Variants in ARSG observed in about 807,000 individuals in gnomAD.
The protein encoded by ARSG is ASG.
A neutral mutation model predicts 50.5 loss-of-function variants in ARSG; 37 were observed. That is an observed-to-expected ratio of 0.73 (90% CI 0.56 to 0.96). The LOEUF (loss-of-function observed/expected upper bound fraction) is 0.96, where lower values mean the gene tolerates loss of function less well. ARSG is among the 50% of genes least tolerant of loss of function. ARSG has a pLI of 0.00. For synonymous variants in ARSG, 225 were observed against 254.6 expected (o/e 0.88, Z 1.11); for missense variants, 629 against 675.3 (o/e 0.93, Z 0.76).
At chr17:68,427,060 G>T (rs984715315), downstream of ARSG, 92 of 1,247,316 alleles carry the variant, frequency 7.4e-5, no homozygotes, top group Non-Finnish European at 1.0e-4. Context: ...AGGGGGAAGG[G>T]GAGGGAGCGT....
chr17:68,291,542 T>C lies in ARSG; in HGVS notation c.-578T>C, dbSNP rs2075990072. 1 of 149,766 alleles carries C rather than the reference T, an allele frequency of 6.7e-6. No individual in the cohort carries two copies. Among genetic ancestry groups the C allele is most frequent in the Non-Finnish European group, 1.5e-5 (1 of 67,302 alleles). 9.3% of individuals were successfully genotyped at this position (149,766 alleles called of 1,614,324 possible). On this transcript the variant is annotated 5_prime_UTR_variant, in exon 1 of 12. Coordinates refer to ENST00000621439, the MANE Select transcript of ARSG (RefSeq NM_001267727.2). ...CGCGCCGGTCGCGCGCCCGCCAGCC[T>C]GCCGCCTGGGCTGGGGGTCACGAAA...
intron 2 of ARSG, 54 bp from the exon 3 acceptor site, chr17:68,343,550 T>C (rs1321804187): frequency 2.7e-6 from 4 of 1,490,504 alleles, no homozygotes; most frequent in Non-Finnish European, 1.8e-6. Flanking sequence ...GCCTTTTCTT[T>C]TACTCTGGCT....
At chr17:68,441,811 A>G in the ARSG span, among the ~76,000 whole-genome samples, 4 of 152,222 alleles carry the variant, frequency 2.6e-5, no homozygotes, top group African/African-American at 9.6e-5. Flanking sequence ...GGAGAAGTTG[A>G]GGTGATAATT....
At chr17:68,302,804 A>G (rs2076469021) in intron 1 of ARSG, among the ~76,000 whole-genome samples, 1 of 152,182 alleles carries the variant, frequency 6.6e-6, no homozygotes, top group African/African-American at 2.4e-5. Flanking sequence ...CTTGTGCTCA[A>G]CAAGGATCTT....
chr17:68,329,949 C>T (rs975054707), intron 2 of ARSG, among the ~76,000 whole-genome samples: 6 of 152,182 alleles, frequency 3.9e-5, no homozygotes, highest in Non-Finnish European at 7.3e-5. Context: ...GTGGCTCACT[C>T]CTGAAATCCC....
At chr17:68,395,326 G>T in intron 10 of ARSG, 133 bp downstream of exon 10, 1 of 1,366,018 alleles carries the variant, frequency 7.3e-7, no homozygotes, top group Non-Finnish European at 9.9e-7. Context: ...AGTGGCTCAC[G>T]CCTGTAATCC....
intron 2 of ARSG, among the ~76,000 whole-genome samples, chr17:68,332,909 T>C (rs749503046): frequency 6.6e-6 from 1 of 152,198 alleles, no homozygotes. Context: ...AGCTACAAAT[T>C]CTGACCAAAA....
intron 9 of ARSG, among the ~76,000 whole-genome samples, 181 bp from the exon 10 acceptor site, chr17:68,394,892 C>G (rs1371767995): frequency 6.6e-6 from 1 of 152,142 alleles, no homozygotes; most frequent in Non-Finnish European, 1.5e-5. Context: ...CATTCTGCCT[C>G]TTGTAGGAGC....
intron 11 of ARSG, among the ~76,000 whole-genome samples, chr17:68,409,497 C>T (rs1053224262): frequency 2.2e-4 from 34 of 151,574 alleles, no homozygotes; most frequent in Non-Finnish European, 4.7e-4. Flanking sequence ...GTTTTGGTAC[C>T]AGTACCATGC....
At position 68,307,324 on chromosome 17, in the gene ARSG, C is replaced by A; in HGVS notation, c.-170C>A. The A allele has an allele frequency of 1.6e-6, 1 of 606,586 alleles. No homozygotes were observed. The highest frequency in any genetic ancestry group is 3.0e-6 in the Non-Finnish European group (1 of 338,872). The allele number at this position is 606,586 out of a possible 1,614,324, so 37.6% of individuals were successfully genotyped here. A position where few individuals can be genotyped will look rare whatever the true frequency, so the allele number is the denominator to read the frequency against. ...CTCATTTCTACAGCCCCCAACATTC[C>A]TATAGCCGTTATCACTGCCATCACC... On this transcript the variant is annotated 5_prime_UTR_variant, in exon 2 of 12. Transcript: ENST00000621439.
intron 1 of ARSG, among the ~76,000 whole-genome samples, chr17:68,273,675 A>C (rs1555749906): frequency 1.3e-5 from 2 of 152,184 alleles, no homozygotes; most frequent in African/African-American, 4.8e-5. Context: ...TTTGGCTGCA[A>C]ATACAGCAAA....
rs529717748 is a variant in ARSG, at chr17:68,385,081, C to A, written c.1000C>A (p.Gln334Lys). Residue 334 changes from glutamine to lysine, a missense_variant, in exon 9 of 12, where the codon CAG becomes AAG. By Grantham distance (53) the Gln-to-Lys change is moderately conservative. Coordinates refer to ENST00000621439, the MANE Select transcript of ARSG (RefSeq NM_001267727.2). ...QTRQGGSPAK[Q>K]TTWEGGHRVP... ...TCTCACAGGGGGAAGTCCAGCCAAG[C>A]AGACGACCTGGGAAGGAGGGCACCG... 51 of 1,614,036 alleles carry A rather than the reference C, an allele frequency of 3.2e-5. No homozygotes were observed. In the South Asian group the frequency reaches 4.6e-4, roughly 15 times the overall value.
intron 1 of ARSG, chr17:68,274,408 G>A (rs1263092067): frequency 5.1e-6 from 1 of 197,272 alleles, no homozygotes. Context: ...AGACGATGCA[G>A]TGAGCCAAGA....
chr17:68,376,226 T>A (rs1372831424), intron 8 of ARSG, among the ~76,000 whole-genome samples: 1 of 148,080 alleles, frequency 6.8e-6, no homozygotes, highest in Non-Finnish European at 1.5e-5. Context: ...TCCCCCCACC[T>A]CATTCTCCTG....
At chr17:68,305,040 G>A (rs993517957) in intron 1 of ARSG, among the ~76,000 whole-genome samples, 4 of 152,266 alleles carry the variant, frequency 2.6e-5, no homozygotes, top group African/African-American at 9.6e-5. Flanking sequence ...TGGGCGTGGT[G>A]GCATACACTT....
In ARSG at chr17:68,312,076, A is replaced by G. The variant is rs1392002595; in HGVS notation, c.218+4365A>G. Among the ~76,000 whole-genome samples, 4 of 152,192 alleles carry G rather than the reference A, an allele frequency of 2.6e-5. No individual in the cohort carries two copies. The East Asian group carries it at 7.7e-4, about 29-fold the overall frequency. On this transcript the variant is annotated intron_variant, in intron 2 of 11. Transcript: ENST00000621439. ...TGGCCTCCCAAAGTGCTGCGATTAC[A>G]GGTCTGAGCCACCACGCCTGGCCTG...
intron 1 of ARSG, chr17:68,273,777 C>T: frequency 1.1e-6 from 1 of 905,670 alleles, no homozygotes; most frequent in Non-Finnish European, 1.6e-6. Flanking sequence ...CCATATAGCT[C>T]AGTTCAAAAC....
intron 11 of ARSG, among the ~76,000 whole-genome samples, chr17:68,417,418 G>A (rs1169226796): frequency 1.3e-5 from 2 of 152,134 alleles, no homozygotes; most frequent in South Asian, 2.1e-4. Flanking sequence ...TAAGAACTTG[G>A]TTGAGCTCCT....
At chr17:68,409,975 A>G (rs1422126142) in intron 11 of ARSG, among the ~76,000 whole-genome samples, 2 of 150,504 alleles carry the variant, frequency 1.3e-5, no homozygotes, top group East Asian at 3.9e-4. Flanking sequence ...TTGATTTTGT[A>G]TCCTGAGACT....
Sources: gnomAD v4.1 joint callset for allele counts (sites outside exome capture counted in the v4.1 genomes callset) on GRCh38, gnomAD v4.1.1 for gene constraint, MANE v1.5 for transcripts, NCBI Gene and HGNC (gene_info 2026-07-23, HGNC 2026-07-21) for gene names.